Variants in ABHD6 observed in about 807,000 individuals in gnomAD.
ABHD6 encodes the protein abhydrolase domain containing 6, acylglycerol lipase.
ABHD6 carries 33 observed loss-of-function variants against 38.8 expected under a neutral mutation model. That is an observed-to-expected ratio of 0.85 (90% CI 0.64 to 1.14). The LOEUF is 1.14. Among genes scored for constraint, ABHD6 ranks in the 50% most tolerant of loss-of-function variants. The probability of loss-of-function intolerance (pLI) is 0.00; values close to 1 mark genes in which losing one functional copy is unlikely to be tolerated. For missense variants in ABHD6, 380 were observed against 422.6 expected (o/e 0.90, Z 0.88); for synonymous variants, 147 against 161.6 (o/e 0.91, Z 0.69).
chr3:58,286,878 A>C (rs1382931370), intron 9 of ABHD6, among the ~76,000 whole-genome samples: 1 of 138,268 alleles, frequency 7.2e-6, no homozygotes, highest in African/African-American at 2.7e-5. Context: ...ATGTATATGT[A>C]TATATAAGTA....
chr3:58,241,568 G>T (rs1181134026), intron 1 of ABHD6, among the ~76,000 whole-genome samples: 1 of 152,212 alleles, frequency 6.6e-6, no homozygotes, highest in African/African-American at 2.4e-5. Context: ...AGAAGCTGTG[G>T]CTGTTTGGCT....
In ABHD6 at chr3:58,265,126, C is replaced by A. The variant is rs7637150; in HGVS notation, c.120-2063C>A. On this transcript the variant is annotated intron_variant, in intron 3 of 9. Coordinates refer to ENST00000478253, the MANE Select transcript of ABHD6 (RefSeq NM_001320126.2). The surrounding 1 kb of genome is among the most constrained non-coding windows in gnomAD (Gnocchi z 4.2). ...TTGCATTGTTTTGATTTTTAGATCC[C>A]ATAAATAAGTGAGAGCATGTGATGT... Among the ~76,000 whole-genome samples, 17,659 of 152,096 alleles carry A rather than the reference C, an allele frequency of 0.12. 1,322 individuals carry two copies. Among genetic ancestry groups the A allele is most frequent in the African/African-American group, 0.2 (8,495 of 41,452 alleles).
intron 4 of ABHD6, among the ~76,000 whole-genome samples, chr3:58,268,328 T>C (rs1181622476): frequency 6.6e-6 from 1 of 152,198 alleles, no homozygotes; most frequent in African/African-American, 2.4e-5. Context: ...TCATTCCTTC[T>C]TTTCCTTTCC....
At chr3:58,282,163 C>G (rs1014515608) in intron 7 of ABHD6, among the ~76,000 whole-genome samples, 5 of 152,070 alleles carry the variant, frequency 3.3e-5, no homozygotes, top group African/African-American at 1.2e-4. Flanking sequence ...TCCCAAGAAC[C>G]ACTTTGAAAA....
chr3:58,288,845 AT>A (rs1271769790), intron 9 of ABHD6, among the ~76,000 whole-genome samples: 2 of 152,022 alleles, frequency 1.3e-5, no homozygotes, highest in Non-Finnish European at 2.9e-5. Context: ...TGTATTTATG[AT>A]TTTGATATTT....
intron 9 of ABHD6, among the ~76,000 whole-genome samples, chr3:58,286,832 G>T (rs1310936426): frequency 1.5e-5 from 1 of 68,612 alleles, no homozygotes; most frequent in Non-Finnish European, 2.4e-5. Context: ...ATGTGTGTGT[G>T]TGTGTGTGTG....
chr3:58,293,801 C>G lies in ABHD6; in HGVS notation c.*36C>G. 2 of 1,600,420 alleles carry G rather than the reference C, an allele frequency of 1.2e-6. No homozygotes were observed. The stretch of plus-strand genomic sequence containing the variant: ...GCAGCCTGCATTCTGCACACAGCAT[C>G]TGCTCCCATCCCCCAAGTCTGACGC... On this transcript the variant is annotated 3_prime_UTR_variant, in exon 10 of 10. Transcript: ENST00000478253. This position sits in a 1 kb window ranked among gnomAD's most constrained non-coding sequence, Gnocchi z 4.4.
rs2097465984 is a variant in ABHD6 at position 58,294,475 on chromosome 3, A to AT, written c.*715dup. 6.6e-6 allele frequency: 1 copy of AT among 152,630 alleles called. No homozygotes were observed. The highest frequency in any genetic ancestry group is 1.5e-5 in the Non-Finnish European group (1 of 68,030). The allele number at this position is 152,630 out of a possible 1,614,324, so 9.5% of individuals were successfully genotyped here. Reference sequence around the variant, plus strand: ...GTGGGTTTCCTAGGAATAATTTATTATTTTTAAAAATAGGCCTAATAAAGC... The same window carrying AT: ...GTGGGTTTCCTAGGAATAATTTATTATTTTTTAAAAATAGGCCTAATAAAGC... On this transcript the variant is annotated 3_prime_UTR_variant, in exon 10 of 10. Coordinates refer to ENST00000478253, the MANE Select transcript of ABHD6 (RefSeq NM_001320126.2).
chr3:58,281,937 G>A (rs1193777913), intron 7 of ABHD6, among the ~76,000 whole-genome samples: 2 of 152,142 alleles, frequency 1.3e-5, no homozygotes, highest in African/African-American at 4.8e-5. Context: ...TCAACGTAGC[G>A]AGACCCCATC....
chr3:58,270,965 T>C lies in ABHD6; in HGVS notation c.424T>C (p.Phe142Leu), dbSNP rs1324862339. ...ATGCCTGAAGCTGAACAAAAAACCTTTCCACCTGGTAGGCACCTCCATGGG... is the reference window on the plus strand; with the variant it reads ...ATGCCTGAAGCTGAACAAAAAACCTCTCCACCTGGTAGGCACCTCCATGGG... ...VECLKLNKKP[F>L]HLVGTSMGGQ... is the part of the protein sequence containing the mutation. Residue 142 changes from phenylalanine to leucine, a missense_variant, in exon 6 of 10, where the codon TTC (phenylalanine) becomes CTC (leucine). Phe to Leu is a conservative substitution (Grantham distance 22). Transcript: ENST00000478253. 2.1e-5 allele frequency: 34 copies of C among 1,610,418 alleles called. No individual in the cohort carries two copies. Among genetic ancestry groups the C allele is most frequent in the Non-Finnish European group, 2.7e-5 (32 of 1,179,002 alleles).
intron 6 of ABHD6, 78 bp from the exon 7 acceptor site, chr3:58,274,580 G>A (rs1186199455): frequency 8.2e-6 from 12 of 1,470,092 alleles, no homozygotes; most frequent in Non-Finnish European, 1.0e-5. Context: ...CTGGGCTGCT[G>A]TCAGAAGTTC....
intron 9 of ABHD6, among the ~76,000 whole-genome samples, chr3:58,291,931 C>T (rs1123976): frequency 0.52 from 79,008 of 152,052 alleles, 22,084 homozygotes; most frequent in African/African-American, 0.73. Context: ...GCCTGTGCAA[C>T]AGAGCGAGAC....
intron 9 of ABHD6, among the ~76,000 whole-genome samples, chr3:58,291,704 C>G (rs542991604): frequency 1.2e-4 from 18 of 152,334 alleles, no homozygotes; most frequent in African/African-American, 4.1e-4. Flanking sequence ...ATTTGTAACG[C>G]TAACCAGCAA....
Position 58,269,312 on chromosome 3 carries a change from T to C in ABHD6, c.277-9T>C. On this transcript the variant is annotated splice_polypyrimidine_tract_variant and intron_variant, in intron 4 of 9. Coordinates refer to ENST00000478253, the MANE Select transcript of ABHD6 (RefSeq NM_001320126.2). The surrounding 1 kb of genome is among the most constrained non-coding windows in gnomAD (Gnocchi z 4.4). ...CACATACTGACTCTCTGGGTCTGTG[T>C]GTCCTCAGTTCCTTCCAAAGAACCT... The C allele has an allele frequency of 1.2e-6, 2 of 1,609,390 alleles. No individual in the cohort carries two copies. Among genetic ancestry groups the C allele is most frequent in the Non-Finnish European group, 1.7e-6 (2 of 1,175,888 alleles).
At position 58,263,969 on chromosome 3, in the gene ABHD6, T is replaced by G. The variant is rs533057803; in HGVS notation, c.120-3220T>G. On this transcript the variant is annotated intron_variant, in intron 3 of 9. Coordinates refer to ENST00000478253, the MANE Select transcript of ABHD6 (RefSeq NM_001320126.2). This position sits in a 1 kb window ranked among gnomAD's most constrained non-coding sequence, Gnocchi z 4.9. ...CCCCACCACTTCATCTGTGTATACT[T>G]AACAGTTTTTTTTAACAGAATTGGA... Among the ~76,000 whole-genome samples the G allele has an allele frequency of 1.3e-4, 20 of 149,420 alleles. No homozygotes were observed. In the South Asian group the frequency reaches 4.0e-3, roughly 30 times the overall value.
chr3:58,290,739 C>T (rs948742712), intron 9 of ABHD6, among the ~76,000 whole-genome samples: 8 of 150,518 alleles, frequency 5.3e-5, no homozygotes, highest in South Asian at 2.1e-4. Context: ...ACATCCCAGA[C>T]GGGCCGGCGG....
At chr3:58,292,990 C>G (rs2097464324) in intron 9 of ABHD6, among the ~76,000 whole-genome samples, 1 of 152,180 alleles carries the variant, frequency 6.6e-6, no homozygotes, top group African/African-American at 2.4e-5. Context: ...CTTGGGCTGC[C>G]CTAACCAGCC....
chr3:58,278,512 C>T (rs149241987), intron 7 of ABHD6, among the ~76,000 whole-genome samples: 69,591 of 151,734 alleles, frequency 0.46, 18,021 homozygotes, highest in African/African-American at 0.72. Context: ...TTAGTCTTGC[C>T]AGTGGTCTGT....
chr3:58,260,730 C>T (rs2097436363), intron 3 of ABHD6, among the ~76,000 whole-genome samples: 2 of 152,214 alleles, frequency 1.3e-5, no homozygotes, highest in Non-Finnish European at 2.9e-5. Context: ...CAAACAGGAT[C>T]AGCAGGCAGT....
Sources: allele counts gnomAD v4.1 joint callset (sites outside exome capture counted in the v4.1 genomes callset), GRCh38; gene constraint gnomAD v4.1.1; non-coding constraint Gnocchi (gnomAD v3.1); transcripts MANE v1.5; gene names NCBI Gene and HGNC (gene_info 2026-07-23, HGNC 2026-07-21).